The following SHISA9 variants were observed in gnomAD, a reference collection of about 807,000 sequenced individuals.
The protein encoded by SHISA9 is shisa family member 9.
In SHISA9, 13 loss-of-function variants were observed where a neutral mutation model predicts 38.0. That is an observed-to-expected ratio of 0.34 (90% CI 0.22 to 0.54). The LOEUF is 0.54. SHISA9 is among the 20% of genes least tolerant of loss of function. SHISA9 has a pLI of 0.91. For synonymous variants in SHISA9, 275 were observed against 242.0 expected (o/e 1.14, Z -1.27); for missense variants, 538 against 575.8 (o/e 0.93, Z 0.67).
intron 2 of SHISA9, among the ~76,000 whole-genome samples, chr16:12,940,743 C>A (rs187070811): frequency 1.9e-3 from 295 of 152,254 alleles, no homozygotes; most frequent in Admixed American, 4.1e-3. Context: ...CATATGCATT[C>A]AAATCCATGG....
intron 2 of SHISA9, among the ~76,000 whole-genome samples, chr16:12,985,652 T>C (rs1399515058): frequency 6.6e-6 from 1 of 152,170 alleles, no homozygotes; most frequent in African/African-American, 2.4e-5. Flanking sequence ...TTGTCTGCCA[T>C]TTCTTCCCTA....
At chr16:13,364,963 A>G in the SHISA9 span, among the ~76,000 whole-genome samples, 1 of 152,164 alleles carries the variant, frequency 6.6e-6, no homozygotes, top group African/African-American at 2.4e-5. Context: ...TTGCATTTCC[A>G]TTGAGGAGAG....
In SHISA9 at chr16:13,237,427, C is replaced by T. The variant is rs1176858806; in HGVS notation, c.*2018C>T. 1 of 152,064 alleles carries T rather than the reference C, an allele frequency of 6.6e-6. No individual in the cohort carries two copies. The highest frequency in any genetic ancestry group is 1.5e-5 in the Non-Finnish European group (1 of 68,034). The allele number at this position is 152,064 out of a possible 1,614,324, so 9.4% of individuals were successfully genotyped here. On this transcript the variant is annotated 3_prime_UTR_variant, in exon 5 of 5. Coordinates refer to ENST00000558583, the MANE Select transcript of SHISA9 (RefSeq NM_001145204.3). The stretch of plus-strand genomic sequence containing the variant: ...CCTAAAATCCCAGCACTTTGGGAGG[C>T]TGAAGCAGGTGGATCATCTGAGGTC...
chr16:13,108,243 C>G (rs145100552), intron 2 of SHISA9, among the ~76,000 whole-genome samples: 1 of 152,082 alleles, frequency 6.6e-6, no homozygotes, highest in Admixed American at 6.6e-5. Flanking sequence ...ATCCTCCTAC[C>G]TCACCTTTTC....
chr16:13,292,719 G>A, the SHISA9 span, among the ~76,000 whole-genome samples: 52 of 152,196 alleles, frequency 3.4e-4, no homozygotes, highest in East Asian at 8.7e-3. Context: ...CAAGGGCAGG[G>A]AATGGATAAA....
chr16:13,452,873 A>T, the SHISA9 span, among the ~76,000 whole-genome samples: 13 of 151,600 alleles, frequency 8.6e-5, no homozygotes, highest in Admixed American at 3.3e-4. Context: ...TCATCTTCTA[A>T]AGGTTGGCTC....
chr16:12,965,739 G>A (rs923346335), intron 2 of SHISA9, among the ~76,000 whole-genome samples: 1 of 152,110 alleles, frequency 6.6e-6, no homozygotes, highest in African/African-American at 2.4e-5. Flanking sequence ...TCTATAAAAC[G>A]GCACCTCCCC....
intron 1 of SHISA9, among the ~76,000 whole-genome samples, chr16:12,912,690 G>T (rs148415712): frequency 3.3e-5 from 5 of 152,142 alleles, no homozygotes; most frequent in African/African-American, 1.2e-4. Flanking sequence ...CACGGAGGTT[G>T]CAAGGAGCCC....
chr16:13,025,434 G>T (rs2072908991), intron 2 of SHISA9, among the ~76,000 whole-genome samples: 1 of 152,174 alleles, frequency 6.6e-6, no homozygotes, highest in Non-Finnish European at 1.5e-5. Flanking sequence ...CTAGATGACT[G>T]GTCCTTAACT....
intron 2 of SHISA9, among the ~76,000 whole-genome samples, chr16:12,975,046 A>C (rs994231716): frequency 6.6e-6 from 1 of 152,094 alleles, no homozygotes. Context: ...CCATCTGACA[A>C]ATATTTGTTG....
rs144011359 is a variant in SHISA9 at position 13,171,741 on chromosome 16, T to C, written c.692-31653T>C. Among the ~76,000 whole-genome samples the C allele has an allele frequency of 6.6e-5, 10 of 152,154 alleles. No homozygotes were observed. The East Asian group carries it at 1.9e-3, about 29-fold the overall frequency. Reference sequence around the variant, plus strand: ...GTGGATGGGGGCTGTGTGGGCCGGGTAAGGACTGTCATCTTTATCCTGAGA... The same window carrying C: ...GTGGATGGGGGCTGTGTGGGCCGGGCAAGGACTGTCATCTTTATCCTGAGA... On this transcript the variant is annotated intron_variant, in intron 2 of 4. Coordinates refer to ENST00000558583, the MANE Select transcript of SHISA9 (RefSeq NM_001145204.3).
At chr16:13,292,604 T>C in the SHISA9 span, among the ~76,000 whole-genome samples, 2 of 152,084 alleles carry the variant, frequency 1.3e-5, no homozygotes, top group African/African-American at 2.4e-5. Context: ...GTCCCTGAAA[T>C]CCAGTCCTCA....
chr16:12,972,041 T>TTG (rs72368949), intron 2 of SHISA9, among the ~76,000 whole-genome samples: 23,890 of 141,878 alleles, frequency 0.17, 2,009 homozygotes, highest in East Asian at 0.3. Flanking sequence ...CTCTTGGAGT[T>TTG]TGTGTGTGTG....
chr16:13,055,645 G>C (rs1349605296), intron 2 of SHISA9, among the ~76,000 whole-genome samples: 1 of 152,130 alleles, frequency 6.6e-6, no homozygotes, highest in Non-Finnish European at 1.5e-5. Context: ...GAGCTGAGCA[G>C]AATTCTAAAT....
intron 2 of SHISA9, among the ~76,000 whole-genome samples, chr16:13,113,209 CAAAAAAA>C (rs35316820): frequency 1.5e-5 from 1 of 65,262 alleles, no homozygotes; most frequent in Non-Finnish European, 2.8e-5. Flanking sequence ...GACTCCATCT[CAAAAAAA>C]AAAAAAAAAA....
chr16:13,558,166 C>A, the SHISA9 span, among the ~76,000 whole-genome samples: 2 of 152,194 alleles, frequency 1.3e-5, no homozygotes, highest in Non-Finnish European at 2.9e-5. Context: ...CCCGAGTTTG[C>A]TGTGTGATCT....
chr16:13,198,127 G>T lies in SHISA9; in HGVS notation c.692-5267G>T, dbSNP rs371785902. ...TTGAACCTGGGAGGCGGAGGTCACA[G>T]TGAGCTGACACCACTCCACTGCACT... On this transcript the variant is annotated intron_variant, in intron 2 of 4. Transcript: ENST00000558583. 2.3e-4 allele frequency among the ~76,000 whole-genome samples: 35 copies of T among 152,244 alleles called. 1 individual carries two copies. The East Asian group carries it at 6.2e-3, about 27-fold the overall frequency.
chr16:13,520,603 C>CAAAAAA, the SHISA9 span, among the ~76,000 whole-genome samples: 217 of 56,228 alleles, frequency 3.9e-3, 1 homozygote, highest in African/African-American at 0.016. Flanking sequence ...AACTCTGTCT[C>CAAAAAA]AAAAAAAAAA....
At chr16:13,029,047 C>A (rs1394305733) in intron 2 of SHISA9, among the ~76,000 whole-genome samples, 1 of 152,258 alleles carries the variant, frequency 6.6e-6, no homozygotes. Flanking sequence ...GGTCCCATTT[C>A]TCTCCTTTTA....
Sources: allele counts gnomAD v4.1 joint callset (sites outside exome capture counted in the v4.1 genomes callset), GRCh38; gene constraint gnomAD v4.1.1; transcripts MANE v1.5; gene names NCBI Gene and HGNC (gene_info 2026-07-23, HGNC 2026-07-21).